The following STRA8 variants were observed in gnomAD, a reference collection of about 807,000 sequenced individuals.
STRA8 encodes the protein stimulated by retinoic acid 8, also known as stimulated by retinoic acid gene 8 protein homolog.
In STRA8, 18 loss-of-function variants were observed where a neutral mutation model predicts 37.1. The ratio of observed to expected loss-of-function variants is 0.48; its 90% CI spans 0.34 to 0.72. The LOEUF (loss-of-function observed/expected upper bound fraction) is 0.72. Ranked by LOEUF, STRA8 falls within the 30% of genes least tolerant of loss-of-function variation. The pLI is 0.01. For missense variants in STRA8, 357 were observed against 410.4 expected, an observed-to-expected ratio of 0.87 and a Z score of 1.13; for synonymous variants, 168 against 162.9, an observed-to-expected ratio of 1.03 and a Z score of -0.24.
intron 8 of STRA8, among the ~76,000 whole-genome samples, chr7:135,257,803 A>G (rs1315993133): frequency 4.1e-5 from 6 of 144,732 alleles, no homozygotes; most frequent in Admixed American, 4.0e-4. Flanking sequence ...ACAAGTTACC[A>G]AAAGATATAC....
intron 1 of STRA8, among the ~76,000 whole-genome samples, chr7:135,238,397 T>C (rs1000680270): frequency 6.6e-5 from 10 of 152,164 alleles, no homozygotes; most frequent in Non-Finnish European, 1.2e-4. Context: ...AGGACTGCAC[T>C]CTTGTCCAGG....
intron 3 of STRA8, 137 bp from the exon 4 acceptor site, chr7:135,243,189 T>C (rs1003385924): frequency 5.0e-6 from 4 of 792,690 alleles, no homozygotes; most frequent in Non-Finnish European, 8.1e-6. Context: ...AAGGAAAAAC[T>C]GGACCCTGGT....
intron 3 of STRA8, 106 bp from the exon 4 acceptor site, chr7:135,243,220 A>C: frequency 9.0e-7 from 1 of 1,104,978 alleles, no homozygotes; most frequent in South Asian, 1.4e-5. Context: ...CTGACCCTGG[A>C]GGGTTCAGGG....
intron 1 of STRA8, 112 bp from the exon 2 acceptor site, chr7:135,240,407 T>C (rs1447382924): frequency 1.6e-5 from 17 of 1,032,534 alleles, no homozygotes; most frequent in Non-Finnish European, 2.3e-5. Context: ...ATTTGGGGCC[T>C]TTACTTGGGA....
chr7:135,250,001 C>G (rs1415802475), intron 6 of STRA8, among the ~76,000 whole-genome samples: 1 of 152,238 alleles, frequency 6.6e-6, no homozygotes, highest in Non-Finnish European at 1.5e-5. Context: ...GTAGGCAGAA[C>G]AGAGAACTCC....
At chr7:135,235,716 A>G (rs1832365556) in intron 1 of STRA8, among the ~76,000 whole-genome samples, 1 of 152,202 alleles carries the variant, frequency 6.6e-6, no homozygotes, top group Non-Finnish European at 1.5e-5. Context: ...TGCTGGGATT[A>G]CAGGTGTGAG....
intron 1 of STRA8, among the ~76,000 whole-genome samples, chr7:135,236,089 G>A (rs150177222): frequency 4.9e-4 from 75 of 151,584 alleles, no homozygotes; most frequent in African/African-American, 1.7e-3. Context: ...TCAATGGAGC[G>A]AGACCCTATC....
Position 135,242,827 on chromosome 7 carries a change from A to C in STRA8, c.239A>C (p.Gln80Pro), listed in dbSNP as rs764707502. The change falls in exon 3 of 9, where the codon CAA (glutamine) becomes CCA (proline). Residue 80 changes from glutamine (Q) to proline (P), a missense_variant. By Grantham distance (76) the Gln-to-Pro change is moderately conservative. Transcript: ENST00000662584. ...AAGAGTCATATTCCAGAACTGGAGC[A>C]AACCCTGGATAATTTGCTGAAGCTG... ...KAKSHIPELE[Q>P]TLDNLLKLKA... 1 of 1,614,248 alleles carries C rather than the reference A, an allele frequency of 6.2e-7. No homozygotes were observed. Among genetic ancestry groups the C allele is most frequent in the African/African-American group, 1.3e-5 (1 of 75,068 alleles).
At chr7:135,233,614 C>A (rs1214159679), upstream of STRA8, among the ~76,000 whole-genome samples, 1 of 152,094 alleles carries the variant, frequency 6.6e-6, no homozygotes, top group African/African-American at 2.4e-5. Context: ...CCCTCGCGAC[C>A]CTGCGAGGTG....
At chr7:135,248,073 A>G (rs1475534300) in intron 6 of STRA8, among the ~76,000 whole-genome samples, 1 of 152,018 alleles carries the variant, frequency 6.6e-6, no homozygotes, top group East Asian at 1.9e-4. Context: ...CTAGTTTCCC[A>G]GAGTCTCTCT....
rs1221626102 is a variant in STRA8 at position 135,242,809 on chromosome 7, A to G, written c.221A>G (p.His74Arg). Residue 74 changes from histidine to arginine, a missense_variant, in exon 3 of 9, where the codon CAT (histidine) becomes CGT (arginine). Coordinates refer to ENST00000662584, the MANE Select transcript of STRA8 (RefSeq NM_001394401.1). ...CAGGTTCTGAATAAGGCAAAGAGTC[A>G]TATTCCAGAACTGGAGCAAACCCTG... ...KWQVLNKAKS[H>R]IPELEQTLDN... 3 of 1,614,232 alleles carry G rather than the reference A, an allele frequency of 1.9e-6. No individual in the cohort carries two copies. Among genetic ancestry groups the G allele is most frequent in the South Asian group, 1.1e-5 (1 of 91,086 alleles).
At chr7:135,231,924 G>C, upstream of STRA8, 2 of 1,514,278 alleles carry the variant, frequency 1.3e-6, no homozygotes, top group Non-Finnish European at 1.8e-6. Context: ...CAGAGCTAGT[G>C]AGAGGCCACC....
Position 135,246,204 on chromosome 7 carries a change from G to C in STRA8, c.594-213G>C. The C allele has an allele frequency of 1.6e-6, 1 of 642,702 alleles. No homozygotes were observed. Among genetic ancestry groups the C allele is most frequent in the Non-Finnish European group, 2.6e-6 (1 of 377,526 alleles). The allele number at this position is 642,702 out of a possible 1,614,324, so 39.8% of individuals were successfully genotyped here. On this transcript the variant is annotated intron_variant, in intron 5 of 8. Coordinates refer to ENST00000662584, the MANE Select transcript of STRA8 (RefSeq NM_001394401.1). The surrounding 1 kb of genome is among the most constrained non-coding windows in gnomAD (Gnocchi z 5.4). ...GCAGGGACTGGGAGAACTTGGGGAG[G>C]GGCCCCAAAGCCCAAGTCTATGTCC...
intron 1 of STRA8, among the ~76,000 whole-genome samples, chr7:135,236,555 G>A (rs1203787455): frequency 6.6e-6 from 1 of 152,032 alleles, no homozygotes; most frequent in Non-Finnish European, 1.5e-5. Flanking sequence ...ACCTCTCCAA[G>A]CATGCCCAGT....
chr7:135,251,967 T>C, intron 7 of STRA8, 98 bp downstream of exon 7: 1 of 1,091,220 alleles, frequency 9.2e-7, no homozygotes, highest in Non-Finnish European at 1.4e-6. Context: ...TGTGCATGAA[T>C]GTGGTAAGTC....
chr7:135,239,794 A>G (rs1041887508), intron 1 of STRA8, among the ~76,000 whole-genome samples: 1 of 152,232 alleles, frequency 6.6e-6, no homozygotes, highest in East Asian at 1.9e-4. Context: ...AGAACCCACT[A>G]GAGGCAAGAT....
At chr7:135,252,013 A>AGGGTGTGT in intron 7 of STRA8, 144 bp downstream of exon 7, 1 of 503,868 alleles carries the variant, frequency 2.0e-6, no homozygotes. Flanking sequence ...AGAGAGAGAG[A>AGGGTGTGT]GTGTGTGTGT....
chr7:135,251,668 C>T, intron 6 of STRA8, 128 bp from the exon 7 acceptor site: 1 of 866,490 alleles, frequency 1.2e-6, no homozygotes, highest in Non-Finnish European at 1.9e-6. Context: ...GGCCCCAGCT[C>T]TGACATGCAT....
chr7:135,234,982 T>A (rs954384875), intron 1 of STRA8, among the ~76,000 whole-genome samples: 7 of 152,170 alleles, frequency 4.6e-5, no homozygotes, highest in Admixed American at 3.3e-4. Context: ...GCTCAAGTGA[T>A]CCTCCCAACT....
Sources: gnomAD v4.1 joint callset for allele counts (sites outside exome capture counted in the v4.1 genomes callset) on GRCh38, gnomAD v4.1.1 for gene constraint, Gnocchi (gnomAD v3.1) non-coding constraint, MANE v1.5 for transcripts, NCBI Gene and HGNC (gene_info 2026-07-23, HGNC 2026-07-21) for gene names.